Variants in UBE2H observed in about 807,000 individuals in gnomAD.
UBE2H encodes the protein ubiquitin conjugating enzyme E2 H, also known as ubiquitin-conjugating enzyme E2 H.
UBE2H carries 3 observed loss-of-function variants against 29.0 expected under a neutral mutation model. The observed-to-expected ratio is 0.10, with a 90% CI of 0.05 to 0.27. The LOEUF (loss-of-function observed/expected upper bound fraction) is 0.27. Among genes scored for constraint, UBE2H ranks in the 10% least tolerant of loss-of-function variants. The pLI is 1.00. For synonymous variants in UBE2H, 69 were observed against 82.9 expected (o/e 0.83, Z 0.91); for missense variants, 68 against 228.2 (o/e 0.30, Z 4.52).
intron 1 of UBE2H, among the ~76,000 whole-genome samples, chr7:129,900,367 G>A (rs1806685582): frequency 6.6e-6 from 1 of 152,128 alleles, no homozygotes; most frequent in Non-Finnish European, 1.5e-5. Flanking sequence ...AAGCCATAGA[G>A]TTTACCCTTG....
At chr7:129,840,756 G>A (rs1805414251) in intron 5 of UBE2H, among the ~76,000 whole-genome samples, 1 of 152,120 alleles carries the variant, frequency 6.6e-6, no homozygotes, top group Admixed American at 6.6e-5. Flanking sequence ...CCTGTTTCTG[G>A]AGACAATGCT....
intron 1 of UBE2H, among the ~76,000 whole-genome samples, chr7:129,937,384 TAC>T (rs759678641): frequency 2.0e-5 from 3 of 152,276 alleles, no homozygotes; most frequent in Middle Eastern, 3.4e-3. Context: ...GAAATGAAAT[TAC>T]AGTCTTTATG....
intron 3 of UBE2H, among the ~76,000 whole-genome samples, chr7:129,873,068 G>T (rs1441174355): frequency 2.7e-5 from 4 of 149,642 alleles, no homozygotes; most frequent in Non-Finnish European, 5.9e-5. Context: ...TGCCCAGGCT[G>T]GAGTGCCGTG....
intron 1 of UBE2H, chr7:129,949,069 CA>C: frequency 2.2e-6 from 1 of 456,378 alleles, no homozygotes; most frequent in Middle Eastern, 3.3e-4. Flanking sequence ...TACGCTTTTC[CA>C]AAACAAGCAG....
At chr7:129,944,132 A>G (rs1035985605) in intron 1 of UBE2H, among the ~76,000 whole-genome samples, 9 of 150,506 alleles carry the variant, frequency 6.0e-5, no homozygotes, top group Non-Finnish European at 8.9e-5. Context: ...CACGGTGGGC[A>G]GATCATGAGG....
rs144359534 is a variant in UBE2H at position 129,866,466 on chromosome 7, G to A, written c.206-7525C>T. On this transcript the variant is annotated intron_variant, in intron 3 of 6. Coordinates refer to ENST00000355621, the MANE Select transcript of UBE2H (RefSeq NM_003344.4). ...TGTTTTCATAGTTTATCTTTCGATC[G>A]CTGGGTCGTTCATATAACCACACTG... Among the ~76,000 whole-genome samples the A allele has an allele frequency of 7.8e-3, 1,186 of 152,120 alleles. 4 individuals are homozygous for A. Among genetic ancestry groups the A allele is most frequent in the Non-Finnish European group, 0.012 (842 of 68,010 alleles).
At chr7:129,896,245 G>A (rs1205410478) in intron 1 of UBE2H, among the ~76,000 whole-genome samples, 1 of 151,808 alleles carries the variant, frequency 6.6e-6, no homozygotes, top group African/African-American at 2.4e-5. Context: ...GCTGAGGCAG[G>A]AGAATCGCTT....
intron 1 of UBE2H, 24 bp downstream of exon 1, chr7:129,952,479 C>T (rs759680777): frequency 4.0e-5 from 65 of 1,611,010 alleles, no homozygotes; most frequent in Non-Finnish European, 5.4e-5. Flanking sequence ...ACACACAGCC[C>T]GAATTCCCCT....
intron 3 of UBE2H, among the ~76,000 whole-genome samples, chr7:129,864,097 A>G (rs968492734): frequency 6.6e-6 from 1 of 152,198 alleles, no homozygotes; most frequent in African/African-American, 2.4e-5. Flanking sequence ...CCTGGCCCTC[A>G]GGCTTAATTG....
intron 1 of UBE2H, among the ~76,000 whole-genome samples, chr7:129,946,172 C>G (rs1414921826): frequency 6.6e-6 from 1 of 152,040 alleles, no homozygotes; most frequent in Non-Finnish European, 1.5e-5. Flanking sequence ...CCTGCCTCAG[C>G]CTCCTGAGTA....
chr7:129,937,805 TTTG>T (rs1418784564), intron 1 of UBE2H, among the ~76,000 whole-genome samples: 1 of 152,190 alleles, frequency 6.6e-6, no homozygotes, highest in African/African-American at 2.4e-5. Flanking sequence ...AAATACATCA[TTTG>T]TTTTTTCTTT....
chr7:129,940,029 G>A (rs1424023743), intron 1 of UBE2H, among the ~76,000 whole-genome samples: 1 of 151,970 alleles, frequency 6.6e-6, no homozygotes, highest in African/African-American at 2.4e-5. Context: ...GGCACCCTTT[G>A]GACAAAACAA....
chr7:129,866,564 A>G (rs1270657343), intron 3 of UBE2H, among the ~76,000 whole-genome samples: 2 of 152,220 alleles, frequency 1.3e-5, no homozygotes, highest in African/African-American at 2.4e-5. Flanking sequence ...TGAACTCACA[A>G]GACCCAACTA....
At chr7:129,879,963 C>A (rs903015214) in intron 2 of UBE2H, among the ~76,000 whole-genome samples, 3 of 152,096 alleles carry the variant, frequency 2.0e-5, no homozygotes, top group South Asian at 2.1e-4. Context: ...ATTCATCCCC[C>A]CTCCAAGGCC....
At chr7:129,856,795 TTC>T (rs1202717506) in intron 5 of UBE2H, among the ~76,000 whole-genome samples, 62 of 152,282 alleles carry the variant, frequency 4.1e-4, no homozygotes, top group African/African-American at 1.2e-3. Context: ...GTCAGTGGGT[TTC>T]ACAGGGATGA....
chr7:129,918,490 T>C (rs1807089452), intron 1 of UBE2H, among the ~76,000 whole-genome samples: 1 of 152,048 alleles, frequency 6.6e-6, no homozygotes, highest in South Asian at 2.1e-4. Context: ...CCTGAGTAGC[T>C]GGGATTACAG....
intron 1 of UBE2H, among the ~76,000 whole-genome samples, chr7:129,890,941 T>C (rs1806470732): frequency 6.6e-6 from 1 of 151,612 alleles, no homozygotes; most frequent in South Asian, 2.1e-4. Context: ...GAGACCAGCC[T>C]GGCCAAAATA....
chr7:129,889,549 T>C (rs1806432006), intron 1 of UBE2H, among the ~76,000 whole-genome samples: 1 of 152,232 alleles, frequency 6.6e-6, no homozygotes, highest in South Asian at 2.1e-4. Context: ...ATATCCTATT[T>C]ACAACCACTT....
chr7:129,893,432 C>T (rs1265263602), intron 1 of UBE2H, among the ~76,000 whole-genome samples: 1 of 152,088 alleles, frequency 6.6e-6, no homozygotes, highest in Non-Finnish European at 1.5e-5. Context: ...GATAAGAAAT[C>T]TAAGTACCAC....
Sources: allele counts gnomAD v4.1 joint callset (sites outside exome capture counted in the v4.1 genomes callset), GRCh38; gene constraint gnomAD v4.1.1; transcripts MANE v1.5; gene names NCBI Gene and HGNC (gene_info 2026-07-23, HGNC 2026-07-21).